The following SLC13A3 variants were observed in gnomAD, a reference collection of about 807,000 sequenced individuals.
SLC13A3 encodes the protein Na(+)/dicarboxylate cotransporter 3.
Under a neutral mutation model 59.0 loss-of-function variants are expected in SLC13A3, and 40 were observed. The observed-to-expected ratio is 0.68, with a 90% CI of 0.53 to 0.88. The LOEUF is 0.88. Ranked by LOEUF, SLC13A3 falls within the 40% of genes least tolerant of loss-of-function variation. SLC13A3 has a pLI of 0.00. For synonymous variants in SLC13A3, 317 were observed against 330.3 expected, an observed-to-expected ratio of 0.96 and a Z score of 0.44; for missense variants, 699 against 783.2, an observed-to-expected ratio of 0.89 and a Z score of 1.28.
At position 46,583,612 on chromosome 20, in the gene SLC13A3, C is replaced by T. The variant is rs548123755; in HGVS notation, c.1179G>A (p.Pro393=). The change falls in exon 9 of 13, where the codon CCG becomes CCA. Residue 393 remains proline, a synonymous_variant. Transcript: ENST00000279027. ...VAIVTILFFF[P]SQRPSLKWWF... is the part of the protein sequence containing the mutation. ...ACCACTTGAGAGAGGGCCTTTGGGA[C>T]GGGAAGAAGAACAAGATGGTGACAA... 7.3e-5 allele frequency: 117 copies of T among 1,613,582 alleles called. 1 individual carries two copies. Among genetic ancestry groups the T allele is most frequent in the Middle Eastern group, 6.6e-4 (4 of 6,062 alleles).
intron 10 of SLC13A3, among the ~76,000 whole-genome samples, chr20:46,570,258 C>T (rs929721225): frequency 1.3e-5 from 2 of 152,224 alleles, no homozygotes; most frequent in African/African-American, 2.4e-5. Context: ...TTTAATTTAA[C>T]AAAGCAACAT....
intron 1 of SLC13A3, among the ~76,000 whole-genome samples, chr20:46,660,427 A>G (rs1418396925): frequency 6.6e-6 from 1 of 152,026 alleles, no homozygotes; most frequent in Non-Finnish European, 1.5e-5. Context: ...TCAAGTTTCT[A>G]TTGTTTCTGG....
chr20:46,596,071 A>G, intron 5 of SLC13A3, 86 bp downstream of exon 5: 3 of 1,308,762 alleles, frequency 2.3e-6, no homozygotes, highest in Non-Finnish European at 3.2e-6. Context: ...AAGGCCCTCA[A>G]TACACATTCC....
intron 1 of SLC13A3, among the ~76,000 whole-genome samples, chr20:46,633,016 T>C (rs2062760812): frequency 6.6e-6 from 1 of 151,944 alleles, no homozygotes; most frequent in African/African-American, 2.4e-5. Flanking sequence ...TATCTGGAGA[T>C]TTACATATTT....
rs1365161828 is a variant in SLC13A3 at position 46,563,512 on chromosome 20, G to A, written c.1534C>T (p.Pro512Ser). The stretch of plus-strand genomic sequence containing the variant: ...GCAAAGGAGCAGCCGACTGTGCCCG[G>A]AATCATCAGATACAGGGGGTGCACT... ...LRVHPLYLMI[P>S]GTVGCSFAFM... The change falls in exon 12 of 13, where the codon CCG becomes TCG. Residue 512 changes from proline (P) to serine (S), a missense_variant. Physicochemically the swap from Pro to Ser is moderately conservative, Grantham distance 74. Transcript: ENST00000279027. 7 of 1,614,044 alleles carry A rather than the reference G, an allele frequency of 4.3e-6. No homozygotes were observed. Among genetic ancestry groups the A allele is most frequent in the Non-Finnish European group, 5.9e-6 (7 of 1,180,002 alleles).
At chr20:46,652,487 G>A (rs374101961), upstream of SLC13A3, among the ~76,000 whole-genome samples, 2 of 151,784 alleles carry the variant, frequency 1.3e-5, no homozygotes, top group Admixed American at 6.6e-5. Flanking sequence ...TCTGCCTCCC[G>A]GGTTCAAGCA....
At chr20:46,653,869 G>A (rs1013796072), upstream of SLC13A3, among the ~76,000 whole-genome samples, 15 of 151,978 alleles carry the variant, frequency 9.9e-5, no homozygotes, top group Admixed American at 7.9e-4. Flanking sequence ...TGTTTCTACC[G>A]TTTGGCTATT....
At chr20:46,653,849 G>A (rs547500364), upstream of SLC13A3, among the ~76,000 whole-genome samples, 31 of 152,054 alleles carry the variant, frequency 2.0e-4, no homozygotes, top group Non-Finnish European at 3.8e-4. Context: ...TTTGTTGATA[G>A]ACATTGGGTT....
chr20:46,634,481 A>G lies in SLC13A3; in HGVS notation c.111+16830T>C, dbSNP rs546196892. 1.0e-3 allele frequency among the ~76,000 whole-genome samples: 156 copies of G among 152,202 alleles called. 1 individual carries two copies. The highest frequency in any genetic ancestry group is 3.7e-3 in the African/African-American group (155 of 41,544). ...ATCTGGGCACAAGACTCAATGGGGG[A>G]AACAGAAAGGGCAGCAAACCTGCCC... On this transcript the variant is annotated intron_variant, in intron 1 of 12. Coordinates refer to ENST00000279027, the MANE Select transcript of SLC13A3 (RefSeq NM_022829.6).
At chr20:46,625,053 G>C (rs1170907503) in intron 1 of SLC13A3, among the ~76,000 whole-genome samples, 1 of 152,222 alleles carries the variant, frequency 6.6e-6, no homozygotes, top group East Asian at 1.9e-4. Context: ...TGAGGGGCAG[G>C]AGTCATGCAC....
At chr20:46,674,138 T>C (rs1047281114), upstream of SLC13A3, among the ~76,000 whole-genome samples, 3 of 152,150 alleles carry the variant, frequency 2.0e-5, no homozygotes, top group African/African-American at 7.2e-5. Context: ...CAGAAGGGAC[T>C]TTCGGTTCCC....
rs117217013 is a variant in SLC13A3 at position 46,577,223 on chromosome 20, G to A, written c.1220-1538C>T. Among the ~76,000 whole-genome samples, 229 of 150,282 alleles carry A rather than the reference G, an allele frequency of 1.5e-3. 15 individuals are homozygous for A. The highest frequency in any genetic ancestry group is 0.011 in the East Asian group (51 of 4,794). ...CCACAGATGTATGAAGCCCACAGGC[G>A]TATGCAACCTACAGGTGTATGCAGC... is the stretch of plus-strand genomic sequence containing the variant. On this transcript the variant is annotated intron_variant, in intron 9 of 12. Transcript: ENST00000279027.
At chr20:46,661,006 T>A (rs1437750440) in intron 1 of SLC13A3, among the ~76,000 whole-genome samples, 1 of 152,198 alleles carries the variant, frequency 6.6e-6, no homozygotes, top group African/African-American at 2.4e-5. Context: ...CTGCTGAAGT[T>A]TTCCATTTGT....
chr20:46,603,934 T>G (rs2062408761), intron 3 of SLC13A3, among the ~76,000 whole-genome samples: 1 of 145,182 alleles, frequency 6.9e-6, no homozygotes, highest in Non-Finnish European at 1.5e-5. Flanking sequence ...AAGGCTGCAG[T>G]GAACCGTGAT....
At chr20:46,585,270 C>G (rs1404944972) in intron 8 of SLC13A3, 11 of 977,144 alleles carry the variant, frequency 1.1e-5, no homozygotes, top group Non-Finnish European at 1.2e-5. Context: ...GTGTGCGTAT[C>G]TGGAATGTCA....
chr20:46,674,410 C>T (rs1459532230), upstream of SLC13A3, among the ~76,000 whole-genome samples: 1 of 152,154 alleles, frequency 6.6e-6, no homozygotes, highest in Admixed American at 6.5e-5. Flanking sequence ...TTGACTAACC[C>T]TGGGTTCTGG....
intron 9 of SLC13A3, chr20:46,583,282 G>T: frequency 1.3e-6 from 1 of 757,674 alleles, no homozygotes. Flanking sequence ...TTTTTCTTTT[G>T]GTTTTTTTTT....
At chr20:46,657,366 A>T (rs1031861583) in intron 1 of SLC13A3, among the ~76,000 whole-genome samples, 56 of 150,868 alleles carry the variant, frequency 3.7e-4, no homozygotes, top group African/African-American at 1.3e-3. Context: ...GAGTGCGAAA[A>T]TGTCTCAAAA....
chr20:46,596,378 C>T (rs1323040224), intron 4 of SLC13A3, 36 bp from the exon 5 acceptor site: 3 of 1,595,482 alleles, frequency 1.9e-6, no homozygotes, highest in African/African-American at 2.7e-5. Context: ...ATTCAGAATA[C>T]ATGGAGAACA....
Sources: allele counts gnomAD v4.1 joint callset (sites outside exome capture counted in the v4.1 genomes callset), GRCh38; gene constraint gnomAD v4.1.1; transcripts MANE v1.5; gene names NCBI Gene and HGNC (gene_info 2026-07-23, HGNC 2026-07-21).